Variants in KCNH1 observed in about 807,000 individuals in gnomAD.
The protein encoded by KCNH1 is voltage-gated delayed rectifier potassium channel KCNH1.
In KCNH1, 27 loss-of-function variants were observed where a neutral mutation model predicts 69.2. The observed-to-expected ratio is 0.39, with a 90% CI of 0.29 to 0.54. The LOEUF (loss-of-function observed/expected upper bound fraction) is 0.54, where lower values mean the gene tolerates loss of function less well. Among genes scored for constraint, KCNH1 ranks in the 20% least tolerant of loss-of-function variants. The pLI is 0.68. For missense variants in KCNH1, 798 were observed against 1,261.6 expected (o/e 0.63, Z 5.57); for synonymous variants, 456 against 487.7 (o/e 0.93, Z 0.86).
chr1:211,031,347 T>C (rs1033762698), intron 5 of KCNH1, among the ~76,000 whole-genome samples: 2 of 152,206 alleles, frequency 1.3e-5, no homozygotes, highest in Non-Finnish European at 2.9e-5. Flanking sequence ...CTTCAGAAAC[T>C]ATTCCAATCA....
intron 6 of KCNH1, among the ~76,000 whole-genome samples, chr1:211,012,891 G>A (rs1222540137): frequency 6.6e-6 from 1 of 152,130 alleles, no homozygotes; most frequent in Admixed American, 6.5e-5. Context: ...AGGAGGGGAG[G>A]GGAGGGTGGT....
chr1:210,948,134 C>T (rs1687993989), intron 6 of KCNH1, among the ~76,000 whole-genome samples: 1 of 150,510 alleles, frequency 6.6e-6, no homozygotes, highest in Non-Finnish European at 1.5e-5. Context: ...GGGAGGATCA[C>T]TGAAGCCCAG....
At chr1:210,810,954 C>T (rs187387038) in intron 7 of KCNH1, among the ~76,000 whole-genome samples, 5 of 152,238 alleles carry the variant, frequency 3.3e-5, no homozygotes, top group Non-Finnish European at 1.5e-5. Flanking sequence ...ACTGACCTGG[C>T]TAGAGTTTGT....
chr1:210,998,661 C>T (rs1282475794), intron 6 of KCNH1, among the ~76,000 whole-genome samples: 1 of 152,186 alleles, frequency 6.6e-6, no homozygotes, highest in African/African-American at 2.4e-5. Flanking sequence ...CCCAAGCAGA[C>T]CTAATAGACA....
At chr1:211,020,114 C>A (rs1689563461) in intron 5 of KCNH1, among the ~76,000 whole-genome samples, 1 of 151,366 alleles carries the variant, frequency 6.6e-6, no homozygotes, top group South Asian at 2.1e-4. Context: ...AAGAACAAAC[C>A]AAATCCAAAA....
chr1:210,832,885 C>T (rs919010502), intron 7 of KCNH1, among the ~76,000 whole-genome samples: 2 of 116,530 alleles, frequency 1.7e-5, no homozygotes, highest in African/African-American at 5.4e-5. Flanking sequence ...AGTCATTAAA[C>T]AGGTGTTGCA....
At position 211,068,068 on chromosome 1, in the gene KCNH1, G is replaced by A. The variant is rs191188164; in HGVS notation, c.558+14712C>T. 5.1e-3 allele frequency among the ~76,000 whole-genome samples: 772 copies of A among 152,332 alleles called. 3 individuals are homozygous for A. The highest frequency in any genetic ancestry group is 7.2e-3 in the Non-Finnish European group (487 of 68,020). ...TGCCTTAGCTCAGGAAAGAGGAACA[G>A]CCTAACAAGGAGATAAACCGGCTTT... On this transcript the variant is annotated intron_variant, in intron 5 of 10. Coordinates refer to ENST00000271751, the MANE Select transcript of KCNH1 (RefSeq NM_172362.3).
At chr1:211,043,668 G>T (rs1314536360) in intron 5 of KCNH1, among the ~76,000 whole-genome samples, 2 of 152,140 alleles carry the variant, frequency 1.3e-5, no homozygotes. Context: ...TATCCCTGAT[G>T]AACATATATG....
At chr1:211,023,586 T>C (rs1689629425) in intron 5 of KCNH1, among the ~76,000 whole-genome samples, 1 of 151,856 alleles carries the variant, frequency 6.6e-6, no homozygotes, top group South Asian at 2.1e-4. Context: ...TCCGCTCATA[T>C]ATGAGAGCTA....
intron 6 of KCNH1, among the ~76,000 whole-genome samples, chr1:210,990,416 G>C (rs1288131656): frequency 2.0e-5 from 3 of 152,164 alleles, no homozygotes; most frequent in Non-Finnish European, 4.4e-5. Flanking sequence ...ATGTTACCCA[G>C]TGTTATGCTA....
intron 6 of KCNH1, among the ~76,000 whole-genome samples, chr1:210,986,831 G>T (rs571428265): frequency 6.6e-6 from 1 of 152,318 alleles, no homozygotes; most frequent in South Asian, 2.1e-4. Flanking sequence ...ATGTTGGCCT[G>T]TCTTGCTAGA....
At chr1:210,700,212 G>A (rs1681739976) in intron 10 of KCNH1, among the ~76,000 whole-genome samples, 1 of 152,216 alleles carries the variant, frequency 6.6e-6, no homozygotes, top group South Asian at 2.1e-4. Context: ...CACCAGGAAT[G>A]ACAAACACAC....
At chr1:210,874,616 T>C (rs937564443) in intron 7 of KCNH1, among the ~76,000 whole-genome samples, 2 of 152,150 alleles carry the variant, frequency 1.3e-5, no homozygotes, top group Non-Finnish European at 2.9e-5. Context: ...AATGTAGTAG[T>C]TTTGCACAGC....
At chr1:211,102,423 C>T (rs562588573) in intron 3 of KCNH1, among the ~76,000 whole-genome samples, 6 of 152,264 alleles carry the variant, frequency 3.9e-5, no homozygotes, top group Middle Eastern at 6.8e-3. Flanking sequence ...CTTCGTTCCT[C>T]TCCTAGCTAA....
At chr1:211,069,993 A>G (rs1355469162) in intron 5 of KCNH1, among the ~76,000 whole-genome samples, 1 of 152,240 alleles carries the variant, frequency 6.6e-6, no homozygotes, top group African/African-American at 2.4e-5. Context: ...ACATACACAT[A>G]ATGAGAATAT....
At chr1:210,916,049 C>T (rs530453969) in intron 7 of KCNH1, among the ~76,000 whole-genome samples, 2 of 152,036 alleles carry the variant, frequency 1.3e-5, no homozygotes, top group Non-Finnish European at 2.9e-5. Context: ...GAGACAACAC[C>T]GAGCCTTTGG....
At chr1:210,829,330 G>A (rs1351479954) in intron 7 of KCNH1, among the ~76,000 whole-genome samples, 1 of 152,148 alleles carries the variant, frequency 6.6e-6, no homozygotes, top group Non-Finnish European at 1.5e-5. Context: ...TACCAACAAT[G>A]TCTTGTTTAT....
chr1:210,837,866 C>A (rs1685320424), intron 7 of KCNH1, among the ~76,000 whole-genome samples: 1 of 152,186 alleles, frequency 6.6e-6, no homozygotes, highest in African/African-American at 2.4e-5. Flanking sequence ...GTGTCTGCCA[C>A]ACTGCAACTA....
At chr1:210,920,115 C>G (rs567530721) in intron 6 of KCNH1, 46 bp from the exon 7 acceptor site, 1 of 1,555,238 alleles carries the variant, frequency 6.4e-7, no homozygotes, top group East Asian at 2.3e-5. Context: ...ACCAAAGATA[C>G]TACTCTCGTC....
Sources: allele counts gnomAD v4.1 joint callset (sites outside exome capture counted in the v4.1 genomes callset), GRCh38; gene constraint gnomAD v4.1.1; transcripts MANE v1.5; gene names NCBI Gene and HGNC (gene_info 2026-07-23, HGNC 2026-07-21).